Variants in DNAAF9 observed in about 807,000 individuals in gnomAD.
DNAAF9 encodes dynein axonemal assembly factor 9.
A neutral mutation model predicts 167.0 loss-of-function variants in DNAAF9; 90 were observed. That is an observed-to-expected ratio of 0.54 (90% CI 0.45 to 0.64). DNAAF9 has a LOEUF of 0.64. DNAAF9 is among the 30% of genes least tolerant of loss of function. DNAAF9 has a pLI of 0.00. For missense variants in DNAAF9, 1,315 were observed against 1,442.2 expected (o/e 0.91, Z 1.43); for synonymous variants, 491 against 508.8 (o/e 0.96, Z 0.47).
Position 3,348,344 on chromosome 20 carries a change from A to G in DNAAF9, c.789+181T>C, listed in dbSNP as rs148561035. On this transcript the variant is annotated intron_variant, in intron 8 of 36. Coordinates refer to ENST00000252032, the MANE Select transcript of DNAAF9 (RefSeq NM_001009984.3). ...CTAATGGAGAAGCTGGCACAAAATAAAAGACAACTTTTTATAAAGGGTTGG... is the reference window on the plus strand; with the variant it reads ...CTAATGGAGAAGCTGGCACAAAATAGAAGACAACTTTTTATAAAGGGTTGG... Among the ~76,000 whole-genome samples, 136 of 152,282 alleles carry G rather than the reference A, an allele frequency of 8.9e-4. 3 individuals carry two copies. In the East Asian group the frequency reaches 0.024, roughly 27 times the overall value.
At chr20:3,340,770 G>A (rs1216030005) in intron 9 of DNAAF9, 131 bp from the exon 10 acceptor site, 7 of 754,786 alleles carry the variant, frequency 9.3e-6, no homozygotes, top group Non-Finnish European at 1.6e-5. Context: ...AGTCAGTACA[G>A]TCGACCGAAT....
intron 7 of DNAAF9, among the ~76,000 whole-genome samples, chr20:3,355,980 G>A (rs1245138064): frequency 6.6e-6 from 1 of 151,844 alleles, no homozygotes; most frequent in Non-Finnish European, 1.5e-5. Context: ...ATGCTGTCTG[G>A]TTTTAGTTCA....
At chr20:3,261,709 AT>A (rs1384569800) in intron 31 of DNAAF9, among the ~76,000 whole-genome samples, 2 of 143,232 alleles carry the variant, frequency 1.4e-5, no homozygotes, top group African/African-American at 5.4e-5. Context: ...TTAATTTTAA[AT>A]TGTTGAAAGT....
At position 3,355,752 on chromosome 20, in the gene DNAAF9, A is replaced by T. The variant is rs550969101; in HGVS notation, c.690+3764T>A. On this transcript the variant is annotated intron_variant, in intron 7 of 36. Transcript: ENST00000252032. Reference sequence around the variant, plus strand: ...CCTTTAATAAACCCTACTTCATAGAATATTATTTTAATATGACACTAGGTT... The same window carrying T: ...CCTTTAATAAACCCTACTTCATAGATTATTATTTTAATATGACACTAGGTT... 5.9e-4 allele frequency among the ~76,000 whole-genome samples: 90 copies of T among 152,250 alleles called. No homozygotes were observed. In the South Asian group the frequency reaches 0.018, roughly 31 times the overall value.
intron 1 of DNAAF9, among the ~76,000 whole-genome samples, chr20:3,387,832 T>G (rs1352880558): frequency 1.4e-5 from 2 of 138,072 alleles, no homozygotes; most frequent in African/African-American, 2.8e-5. Flanking sequence ...CTTGAGCCCA[T>G]GAGTTTGAGA....
intron 25 of DNAAF9, among the ~76,000 whole-genome samples, chr20:3,292,518 G>A (rs1319465024): frequency 7.9e-5 from 12 of 152,034 alleles, no homozygotes; most frequent in Admixed American, 2.0e-4. Context: ...TGTAAACCCA[G>A]CACTTTGGGA....
intron 23 of DNAAF9, among the ~76,000 whole-genome samples, chr20:3,295,109 T>C (rs915066124): frequency 9.9e-5 from 15 of 151,960 alleles, no homozygotes; most frequent in Non-Finnish European, 2.1e-4. Flanking sequence ...GACCTCATGA[T>C]CCGCCCACCT....
intron 20 of DNAAF9, among the ~76,000 whole-genome samples, chr20:3,308,021 T>C (rs555958994): frequency 2.0e-5 from 3 of 148,766 alleles, no homozygotes; most frequent in Non-Finnish European, 4.5e-5. Context: ...CAGATGTCTA[T>C]GAACTCACCA....
At chr20:3,262,964 TC>T (rs1276338554) in intron 31 of DNAAF9, among the ~76,000 whole-genome samples, 18 of 129,600 alleles carry the variant, frequency 1.4e-4, no homozygotes, top group South Asian at 7.3e-4. Flanking sequence ...GCATAGCAGA[TC>T]TTTTTTTTTT....
intron 16 of DNAAF9, among the ~76,000 whole-genome samples, chr20:3,320,233 A>G (rs543931124): frequency 6.6e-6 from 1 of 152,350 alleles, no homozygotes; most frequent in South Asian, 2.1e-4. Context: ...TTATGATATC[A>G]TATGACACAT....
intron 10 of DNAAF9, among the ~76,000 whole-genome samples, chr20:3,336,560 T>A (rs2069954715): frequency 6.6e-6 from 1 of 152,154 alleles, no homozygotes; most frequent in African/African-American, 2.4e-5. Context: ...GTTATTTATT[T>A]ATTTTTGAGA....
At chr20:3,333,859 A>G (rs6139080) in intron 10 of DNAAF9, among the ~76,000 whole-genome samples, 33,430 of 152,108 alleles carry the variant, frequency 0.22, 3,924 homozygotes, top group African/African-American at 0.28. Context: ...GTTGGCCAGT[A>G]GAATGGGATC....
intron 27 of DNAAF9, among the ~76,000 whole-genome samples, chr20:3,281,981 G>A (rs1290177175): frequency 3.9e-5 from 6 of 152,136 alleles, no homozygotes; most frequent in African/African-American, 1.4e-4. Context: ...CCTCATAACT[G>A]GGCAAGAGTG....
chr20:3,292,755 G>T (rs2068984087), intron 25 of DNAAF9, among the ~76,000 whole-genome samples: 1 of 144,018 alleles, frequency 6.9e-6, no homozygotes, highest in Non-Finnish European at 1.5e-5. Flanking sequence ...AACAGAGCGA[G>T]ACTCCATTTC....
At chr20:3,345,342 A>C (rs751990593) in intron 8 of DNAAF9, among the ~76,000 whole-genome samples, 16 of 152,222 alleles carry the variant, frequency 1.1e-4, no homozygotes, top group Non-Finnish European at 2.1e-4. Context: ...CTTAAAATTT[A>C]TCGTGGGCTT....
chr20:3,290,520 A>T (rs115483084), intron 25 of DNAAF9, among the ~76,000 whole-genome samples: 34 of 152,350 alleles, frequency 2.2e-4, no homozygotes, highest in African/African-American at 7.7e-4. Context: ...CATATTGTGA[A>T]TAGATTAGTT....
Position 3,315,003 on chromosome 20 carries a change from G to C in DNAAF9, c.1678+30C>G, listed in dbSNP as rs752173913. On this transcript the variant is annotated intron_variant, in intron 20 of 36. Coordinates refer to ENST00000252032, the MANE Select transcript of DNAAF9 (RefSeq NM_001009984.3). The surrounding 1 kb of genome is among the most constrained non-coding windows in gnomAD (Gnocchi z 4.1). ...TCTGCAAATGAGGGACCCAGACATG[G>C]CCAAAAACATTAAAGTCATAGCTCC... 1.5e-6 allele frequency: 2 copies of C among 1,354,840 alleles called. No homozygotes were observed. Among genetic ancestry groups the C allele is most frequent in the Non-Finnish European group, 2.1e-6 (2 of 947,740 alleles). The allele number at this position is 1,354,840 out of a possible 1,614,324, so 83.9% of individuals were successfully genotyped here.
chr20:3,330,819 T>C, intron 11 of DNAAF9, 137 bp from the exon 12 acceptor site: 1 of 567,092 alleles, frequency 1.8e-6, no homozygotes, highest in Non-Finnish European at 3.1e-6. Flanking sequence ...TGAGACACAG[T>C]TTAGCTTTGT....
At chr20:3,319,387 G>A (rs1226516076) in intron 16 of DNAAF9, among the ~76,000 whole-genome samples, 1 of 151,196 alleles carries the variant, frequency 6.6e-6, no homozygotes, top group African/African-American at 2.4e-5. Context: ...GCTCCCAAAT[G>A]TCTGGTAAGA....
Sources: gnomAD v4.1 joint callset for allele counts (sites outside exome capture counted in the v4.1 genomes callset) on GRCh38, gnomAD v4.1.1 for gene constraint, Gnocchi (gnomAD v3.1) non-coding constraint, MANE v1.5 for transcripts, NCBI Gene and HGNC (gene_info 2026-07-23, HGNC 2026-07-21) for gene names.